OXR1: variants seen among roughly 807,000 people sequenced by gnomAD.
The protein encoded by OXR1 is oxidation resistance 1, also known as oxidation resistance protein 1.
A neutral mutation model predicts 104.6 loss-of-function variants in OXR1; 41 were observed. The ratio of observed to expected loss-of-function variants is 0.39; its 90% confidence interval spans 0.31 to 0.51. OXR1 has a LOEUF of 0.51. OXR1 is among the 20% of genes least tolerant of loss of function. OXR1 has a pLI of 0.77. For missense variants in OXR1, 955 were observed against 1,031.9 expected (o/e 0.93, Z 1.02); for synonymous variants, 348 against 348.4 (o/e 1.00, Z 0.01).
At chr8:106,429,398 G>A (rs751536436) in intron 2 of OXR1, among the ~76,000 whole-genome samples, 15 of 152,082 alleles carry the variant, frequency 9.9e-5, no homozygotes, top group South Asian at 2.1e-4. Flanking sequence ...AGTGGCTCAC[G>A]TCTGTAATCC....
At chr8:106,689,547 T>C (rs967298650) in intron 6 of OXR1, among the ~76,000 whole-genome samples, 3 of 152,010 alleles carry the variant, frequency 2.0e-5, no homozygotes, top group Non-Finnish European at 4.4e-5. Context: ...ATTTATATTA[T>C]GGAGCTTTAT....
chr8:106,694,923 ATATT>A (rs1250973093), intron 7 of OXR1, among the ~76,000 whole-genome samples: 70 of 127,576 alleles, frequency 5.5e-4, no homozygotes, highest in Non-Finnish European at 1.1e-3. Context: ...ATATTTATAT[ATATT>A]TATATATATA....
At chr8:106,712,131 G>A (rs1348618394) in intron 10 of OXR1, among the ~76,000 whole-genome samples, 3 of 152,180 alleles carry the variant, frequency 2.0e-5, no homozygotes, top group South Asian at 2.1e-4. Flanking sequence ...AAGTCAGTGA[G>A]ACTGAAGAGA....
intron 3 of OXR1, among the ~76,000 whole-genome samples, chr8:106,574,899 A>C (rs1817720051): frequency 6.6e-6 from 1 of 152,240 alleles, no homozygotes; most frequent in Admixed American, 6.5e-5. Flanking sequence ...AAATAAATAA[A>C]GAAGATGACA....
chr8:106,480,828 T>G (rs754949683), intron 2 of OXR1, among the ~76,000 whole-genome samples: 1 of 151,986 alleles, frequency 6.6e-6, no homozygotes, highest in Non-Finnish European at 1.5e-5. Context: ...TGGATCAAAT[T>G]ATTTAATGTA....
chr8:106,656,922 G>A (rs1219205543), intron 3 of OXR1, among the ~76,000 whole-genome samples: 1 of 151,850 alleles, frequency 6.6e-6, no homozygotes, highest in African/African-American at 2.4e-5. Flanking sequence ...TCTATTGTTG[G>A]AGTGGGTAGT....
In OXR1 at chr8:106,706,380, A is replaced by T; in HGVS notation, c.861-2A>T. The T allele has an allele frequency of 6.4e-7, 1 of 1,550,550 alleles. No individual in the cohort carries two copies. Among genetic ancestry groups the T allele is most frequent in the Non-Finnish European group, 8.6e-7 (1 of 1,157,644 alleles). The stretch of plus-strand genomic sequence containing the variant: ...ATTATTTTTAATTTTGTTTAATGAC[A>T]GAGATATAGATCAGCTATCAGGAAG... On this transcript the variant is annotated splice_acceptor_variant, in intron 8 of 16. Transcript: ENST00000517566. LOFTEE classifies it high-confidence loss of function.
chr8:106,618,487 A>G (rs546360702), intron 3 of OXR1, among the ~76,000 whole-genome samples: 19 of 152,346 alleles, frequency 1.2e-4, no homozygotes, highest in Admixed American at 1.2e-3. Flanking sequence ...GCTAATTATG[A>G]TTCCATAAGT....
At chr8:106,637,142 C>T (rs185527297) in intron 3 of OXR1, among the ~76,000 whole-genome samples, 2 of 152,260 alleles carry the variant, frequency 1.3e-5, no homozygotes, top group East Asian at 3.9e-4. Context: ...TATTATCATC[C>T]TTGGCTAGAG....
intron 2 of OXR1, among the ~76,000 whole-genome samples, chr8:106,426,172 C>A (rs1586631421): frequency 6.6e-6 from 1 of 152,214 alleles, no homozygotes; most frequent in East Asian, 1.9e-4. Context: ...AATATTTCCC[C>A]CTCTGACCTA....
At chr8:106,460,214 T>G (rs781148921) in intron 2 of OXR1, among the ~76,000 whole-genome samples, 1 of 152,162 alleles carries the variant, frequency 6.6e-6, no homozygotes, top group Non-Finnish European at 1.5e-5. Context: ...ACCCAAAGAA[T>G]AGATCACTGA....
At chr8:106,570,116 T>A (rs1298788750) in intron 3 of OXR1, among the ~76,000 whole-genome samples, 2 of 152,228 alleles carry the variant, frequency 1.3e-5, no homozygotes, top group African/African-American at 4.8e-5. Context: ...CCACTCTTAA[T>A]GTGAACAATA....
chr8:106,347,184 G>A (rs1308485728), intron 1 of OXR1, among the ~76,000 whole-genome samples: 1 of 152,220 alleles, frequency 6.6e-6, no homozygotes, highest in Non-Finnish European at 1.5e-5. Flanking sequence ...TTTAAGAGAA[G>A]CCAATTGATT....
intron 11 of OXR1, among the ~76,000 whole-genome samples, chr8:106,716,059 G>C (rs1248372410): frequency 1.3e-4 from 20 of 152,112 alleles, no homozygotes; most frequent in Admixed American, 1.3e-3. Context: ...ATTAAAAACC[G>C]ATACTTGGTT....
chr8:106,581,200 T>A, intron 3 of OXR1: 1 of 1,286,946 alleles, frequency 7.8e-7, no homozygotes, highest in Non-Finnish European at 1.0e-6. Context: ...AAACCACTGC[T>A]GCAGAAAGCT....
chr8:106,748,839 G>C (rs186640162), intron 16 of OXR1, among the ~76,000 whole-genome samples: 327 of 151,450 alleles, frequency 2.2e-3, no homozygotes, highest in African/African-American at 6.2e-3. Context: ...CAAAGTGCTG[G>C]GATTATAGGC....
chr8:106,444,216 T>C (rs887658439), intron 2 of OXR1, among the ~76,000 whole-genome samples: 6 of 152,130 alleles, frequency 3.9e-5, no homozygotes, highest in Admixed American at 1.3e-4. Flanking sequence ...TGTGGAGAAA[T>C]AGGAATGCTT....
At chr8:106,362,310 A>G (rs575280719) in intron 2 of OXR1, among the ~76,000 whole-genome samples, 5 of 152,294 alleles carry the variant, frequency 3.3e-5, no homozygotes, top group Admixed American at 3.3e-4. Context: ...CTCTGAGGTT[A>G]ATGTGGGAAG....
At chr8:106,334,676 A>G (rs1267338418) in intron 1 of OXR1, among the ~76,000 whole-genome samples, 3 of 152,220 alleles carry the variant, frequency 2.0e-5, no homozygotes, top group Non-Finnish European at 4.4e-5. Flanking sequence ...CATCTAAACT[A>G]CACTCCAAAA....
Sources: allele counts gnomAD v4.1 joint callset (sites outside exome capture counted in the v4.1 genomes callset), GRCh38; gene constraint gnomAD v4.1.1; transcripts MANE v1.5; gene names NCBI Gene and HGNC (gene_info 2026-07-23, HGNC 2026-07-21).